PRKN: variants seen among roughly 807,000 people sequenced by gnomAD.
PRKN encodes the protein parkin RBR E3 ubiquitin protein ligase, also known as E3 ubiquitin-protein ligase parkin.
A neutral mutation model predicts 59.5 loss-of-function variants in PRKN; 56 were observed. The ratio of observed to expected loss-of-function variants is 0.94; its 90% confidence interval spans 0.76 to 1.18. The LOEUF (loss-of-function observed/expected upper bound fraction) is 1.18. Among genes scored for constraint, PRKN ranks in the 50% most tolerant of loss-of-function variants. The pLI, the probability that PRKN is intolerant of heterozygous loss-of-function variation, is 0.00. For missense variants in PRKN, 657 were observed against 596.4 expected (o/e 1.10, Z -1.06); for synonymous variants, 250 against 222.1 (o/e 1.13, Z -1.12).
chr6:161,818,922 G>A (rs1039402367), intron 6 of PRKN, among the ~76,000 whole-genome samples: 2 of 152,068 alleles, frequency 1.3e-5, no homozygotes, highest in South Asian at 2.1e-4. Flanking sequence ...TCAGTGGACA[G>A]GTGAAGAGGG....
chr6:161,843,366 GAT>G (rs1414008447), intron 6 of PRKN, among the ~76,000 whole-genome samples: 1 of 152,148 alleles, frequency 6.6e-6, no homozygotes, highest in African/African-American at 2.4e-5. Flanking sequence ...ATTCTTATCT[GAT>G]TATTAGTCAT....
chr6:161,886,756 A>AAAAATAAT (rs1554241165), intron 6 of PRKN, among the ~76,000 whole-genome samples: 24 of 146,358 alleles, frequency 1.6e-4, no homozygotes, highest in Non-Finnish European at 3.6e-4. Context: ...TAAAATAAAA[A>AAAAATAAT]AAAATAAAAT....
rs1236671074 is a variant in PRKN, at chr6:161,406,665, T to C, written c.1084-19788A>G. On this transcript the variant is annotated intron_variant, in intron 9 of 11. Coordinates refer to ENST00000366898, the MANE Select transcript of PRKN (RefSeq NM_004562.3). ...CAGTGACTTTCAACAAAAACTCCTT[T>C]GGCCCCAGTCATTTCCATTCTCTGC... 5.3e-5 allele frequency among the ~76,000 whole-genome samples: 8 copies of C among 152,308 alleles called. No individual in the cohort carries two copies. In the South Asian group the frequency reaches 1.4e-3, roughly 28 times the overall value.
intron 2 of PRKN, among the ~76,000 whole-genome samples, chr6:162,400,379 A>C (rs1163908015): frequency 1.3e-5 from 2 of 151,234 alleles, no homozygotes; most frequent in African/African-American, 4.9e-5. Flanking sequence ...CTGGACAGCC[A>C]AGCAGAAAGA....
chr6:161,694,063 C>T (rs981845266), intron 7 of PRKN, among the ~76,000 whole-genome samples: 1 of 152,158 alleles, frequency 6.6e-6, no homozygotes, highest in Non-Finnish European at 1.5e-5. Flanking sequence ...CTCTAAAACA[C>T]AGCACTTAGA....
intron 6 of PRKN, among the ~76,000 whole-genome samples, chr6:161,817,378 GT>G (rs931174123): frequency 6.6e-6 from 1 of 152,166 alleles, no homozygotes; most frequent in Admixed American, 6.5e-5. Flanking sequence ...CCCATGCCCA[GT>G]CCCCAGGGAT....
rs181219342 is a variant in PRKN, at chr6:161,565,067, G to A, written c.933+4288C>T. Among the ~76,000 whole-genome samples, 48 of 152,182 alleles carry A rather than the reference G, an allele frequency of 3.2e-4. 1 individual carries two copies. Among genetic ancestry groups the A allele is most frequent in the African/African-American group, 1.1e-3 (46 of 41,528 alleles). On this transcript the variant is annotated intron_variant, in intron 8 of 11. Transcript: ENST00000366898. ...ACTTTCCCTGTCCTCTCTCTCATCT[G>A]GGTTCTCTGCTTGCCCAGCTGAAAT...
At chr6:162,514,690 G>C (rs557521923) in intron 1 of PRKN, among the ~76,000 whole-genome samples, 4 of 152,166 alleles carry the variant, frequency 2.6e-5, no homozygotes, top group Non-Finnish European at 5.9e-5. Context: ...AGCACTTTGG[G>C]AGGCCAAGAT....
At chr6:161,767,444 G>A (rs1335394754) in intron 7 of PRKN, among the ~76,000 whole-genome samples, 3 of 151,794 alleles carry the variant, frequency 2.0e-5, no homozygotes, top group Non-Finnish European at 4.4e-5. Flanking sequence ...GTGAGCCCGG[G>A]AGGCGGAGCT....
intron 1 of PRKN, among the ~76,000 whole-genome samples, chr6:162,652,448 T>C (rs1290285449): frequency 3.9e-5 from 6 of 152,202 alleles, no homozygotes; most frequent in Non-Finnish European, 7.3e-5. Context: ...TCATTTCATA[T>C]ATAAATTCCT....
intron 1 of PRKN, chr6:162,727,325 C>CGGCGGCGGGGCGAAGGTGAGGGGT (rs1260656754): frequency 1.3e-5 from 5 of 378,230 alleles, no homozygotes; most frequent in Non-Finnish European, 2.4e-5. Context: ...AGGTGAGGGG[C>CGGCGGCGGGGCGAAGGTGAGGGGT]GGCGGCGGGG....
intron 2 of PRKN, among the ~76,000 whole-genome samples, chr6:162,388,380 T>C (rs1021602734): frequency 3.9e-5 from 6 of 152,206 alleles, no homozygotes; most frequent in Non-Finnish European, 5.9e-5. Context: ...ACAACGTTTC[T>C]ATCCAATTTT....
chr6:162,142,981 T>C (rs1781852389), intron 4 of PRKN, among the ~76,000 whole-genome samples: 1 of 152,238 alleles, frequency 6.6e-6, no homozygotes, highest in Non-Finnish European at 1.5e-5. Context: ...ATTCCCAATT[T>C]TGTGACTGAA....
intron 3 of PRKN, among the ~76,000 whole-genome samples, chr6:162,209,971 G>T (rs5007362): frequency 1.3e-5 from 2 of 151,622 alleles, no homozygotes; most frequent in African/African-American, 2.4e-5. Flanking sequence ...ATGGGGAGAG[G>T]GGGGAGGGAT....
chr6:161,549,120 G>A lies in PRKN; in HGVS notation c.934-117C>T. ...AACCAGTTTCAGTAAAATAATGCAT[G>A]TGTGTGTGTGTGTGTGTGTGTAGGG... On this transcript the variant is annotated intron_variant, in intron 8 of 11. Transcript: ENST00000366898. This position sits in a 1 kb window ranked among gnomAD's most constrained non-coding sequence, Gnocchi z 6.0. 1 of 108,110 alleles carries A rather than the reference G, an allele frequency of 9.2e-6. No individual in the cohort carries two copies. The highest frequency in any genetic ancestry group is 1.8e-5 in the Non-Finnish European group (1 of 54,252). The allele number at this position is 108,110 out of a possible 1,614,324, so 6.7% of individuals were successfully genotyped here.
chr6:162,105,607 C>T (rs1046426260), intron 4 of PRKN, among the ~76,000 whole-genome samples: 3 of 152,096 alleles, frequency 2.0e-5, no homozygotes, highest in African/African-American at 7.2e-5. Context: ...ACCACCTTGG[C>T]CAGGCGGGTC....
At chr6:161,712,641 T>C (rs556694200) in intron 7 of PRKN, among the ~76,000 whole-genome samples, 40 of 152,292 alleles carry the variant, frequency 2.6e-4, no homozygotes, top group Non-Finnish European at 4.3e-4. Context: ...TGGATCTAAG[T>C]TCTTCTGTAA....
In PRKN at chr6:161,498,518, T is replaced by C. The variant is rs182109194; in HGVS notation, c.1083+50336A>G. ...GGTGTGCTGTCCTAACCCAGTTAGATGTCGTCAAATGCCTTGTTTGGCCAA... is the reference window on the plus strand; with the variant it reads ...GGTGTGCTGTCCTAACCCAGTTAGACGTCGTCAAATGCCTTGTTTGGCCAA... On this transcript the variant is annotated intron_variant, in intron 9 of 11. Transcript: ENST00000366898. The surrounding 1 kb of genome is among the most constrained non-coding windows in gnomAD (Gnocchi z 4.2). 1.3e-5 allele frequency among the ~76,000 whole-genome samples: 2 copies of C among 152,280 alleles called. No individual in the cohort carries two copies. The highest frequency in any genetic ancestry group is 6.5e-5 in the Admixed American group (1 of 15,298).
At chr6:161,574,952 C>G (rs950076457) in intron 7 of PRKN, among the ~76,000 whole-genome samples, 10 of 152,168 alleles carry the variant, frequency 6.6e-5, no homozygotes, top group African/African-American at 2.4e-4. Context: ...GTCCTGGACT[C>G]CACTTTTAAA....
Sources: gnomAD v4.1 joint callset for allele counts (sites outside exome capture counted in the v4.1 genomes callset) on GRCh38, gnomAD v4.1.1 for gene constraint, Gnocchi (gnomAD v3.1) non-coding constraint, MANE v1.5 for transcripts, NCBI Gene and HGNC (gene_info 2026-07-23, HGNC 2026-07-21) for gene names.